EXOC6B: variants seen among roughly 807,000 people sequenced by gnomAD.
EXOC6B encodes the protein exocyst complex component 6B, also known as SEC15 homolog B.
Under a neutral mutation model 113.5 loss-of-function variants are expected in EXOC6B, and 54 were observed. The ratio of observed to expected loss-of-function variants is 0.48; its 90% CI spans 0.38 to 0.60. EXOC6B has a LOEUF of 0.60. Among genes scored for constraint, EXOC6B ranks in the 20% least tolerant of loss-of-function variants. EXOC6B has a pLI of 0.00. For missense variants in EXOC6B, 797 were observed against 977.5 expected (o/e 0.82, Z 2.46); for synonymous variants, 357 against 339.0 (o/e 1.05, Z -0.58).
chr2:72,397,530 G>A (rs1692800394), intron 18 of EXOC6B, among the ~76,000 whole-genome samples: 1 of 150,774 alleles, frequency 6.6e-6, no homozygotes. Context: ...TGAGGCAGGA[G>A]AATCGCTTGA....
intron 1 of EXOC6B, among the ~76,000 whole-genome samples, chr2:72,793,280 T>C (rs572613485): frequency 1.3e-5 from 2 of 152,326 alleles, no homozygotes; most frequent in African/African-American, 2.4e-5. Context: ...AAATGTTAAG[T>C]GTGCATATTG....
intron 6 of EXOC6B, among the ~76,000 whole-genome samples, chr2:72,658,285 GTAA>G (rs1457684525): frequency 2.0e-4 from 1 of 4,992 alleles, no homozygotes; most frequent in African/African-American, 9.1e-4. Flanking sequence ...CTAAAAACTA[GTAA>G]AAAAAAAAAA....
At chr2:72,179,600 G>T in intron 21 of EXOC6B, 139 bp from the exon 22 acceptor site, 1 of 975,410 alleles carries the variant, frequency 1.0e-6, no homozygotes, top group Non-Finnish European at 1.6e-6. Flanking sequence ...CCACTGTCAG[G>T]CCCACACTCA....
chr2:72,508,866 T>C (rs984586932), intron 11 of EXOC6B, among the ~76,000 whole-genome samples: 1 of 152,126 alleles, frequency 6.6e-6, no homozygotes, highest in Non-Finnish European at 1.5e-5. Context: ...GTTGTATTGA[T>C]TCAAGGAGCG....
At chr2:72,481,119 C>T (rs1201220825) in intron 16 of EXOC6B, among the ~76,000 whole-genome samples, 4 of 152,204 alleles carry the variant, frequency 2.6e-5, no homozygotes, top group Non-Finnish European at 5.9e-5. Context: ...CCTTCACTCA[C>T]ACTTCTCCTT....
At chr2:72,672,426 C>G (rs530264529) in intron 6 of EXOC6B, among the ~76,000 whole-genome samples, 2 of 151,236 alleles carry the variant, frequency 1.3e-5, no homozygotes, top group Non-Finnish European at 2.9e-5. Flanking sequence ...GTCAGGACAT[C>G]GAGACCATCC....
chr2:72,530,798 G>C (rs1206210992), intron 8 of EXOC6B, among the ~76,000 whole-genome samples: 1 of 152,022 alleles, frequency 6.6e-6, no homozygotes, highest in Non-Finnish European at 1.5e-5. Context: ...ACAACTTCTT[G>C]ATGGATTGAC....
chr2:72,536,164 C>A (rs1341802396), intron 8 of EXOC6B, among the ~76,000 whole-genome samples: 1 of 152,120 alleles, frequency 6.6e-6, no homozygotes, highest in Non-Finnish European at 1.5e-5. Context: ...TCATTCATGT[C>A]CCATTTCCAA....
chr2:72,335,510 C>T (rs1026698287), intron 19 of EXOC6B, among the ~76,000 whole-genome samples: 24 of 151,038 alleles, frequency 1.6e-4, no homozygotes, highest in African/African-American at 5.8e-4. Context: ...TAATTATTCC[C>T]TCACTGATTA....
At chr2:72,575,240 A>T (rs1453207430) in intron 7 of EXOC6B, among the ~76,000 whole-genome samples, 1 of 152,176 alleles carries the variant, frequency 6.6e-6, no homozygotes, top group Non-Finnish European at 1.5e-5. Flanking sequence ...CCAGTACAGA[A>T]TTTAAAAACC....
intron 20 of EXOC6B, among the ~76,000 whole-genome samples, chr2:72,201,125 A>G (rs996976308): frequency 2.0e-5 from 3 of 152,180 alleles, no homozygotes; most frequent in Non-Finnish European, 4.4e-5. Flanking sequence ...CTAGGCATAC[A>G]TATGTGACAT....
chr2:72,179,071 G>A lies in EXOC6B; in HGVS notation c.*264C>T, dbSNP rs1393985340. On this transcript the variant is annotated 3_prime_UTR_variant, in exon 22 of 22. Coordinates refer to ENST00000272427, the MANE Select transcript of EXOC6B (RefSeq NM_015189.3). The stretch of plus-strand genomic sequence containing the variant: ...AAAGGTGGTTCATCACTGTGGAATT[G>A]ATGATACCACCATCTCTAAGATAAC... The A allele has an allele frequency of 2.5e-6, 1 of 392,942 alleles. No homozygotes were observed. Among genetic ancestry groups the A allele is most frequent in the Non-Finnish European group, 4.5e-6 (1 of 222,774 alleles). 24.3% of individuals were successfully genotyped at this position (392,942 alleles called of 1,614,324 possible). A position where few individuals can be genotyped will look rare whatever the true frequency, so the allele number is the denominator to read the frequency against.
intron 19 of EXOC6B, among the ~76,000 whole-genome samples, chr2:72,350,978 A>C (rs1427797951): frequency 2.0e-5 from 3 of 152,136 alleles, no homozygotes; most frequent in Non-Finnish European, 4.4e-5. Flanking sequence ...GGGGAGAGTC[A>C]AGAACCTCAC....
chr2:72,548,761 C>T (rs1703043130), intron 8 of EXOC6B, among the ~76,000 whole-genome samples: 1 of 152,046 alleles, frequency 6.6e-6, no homozygotes, highest in Non-Finnish European at 1.5e-5. Context: ...AAAGAGCTTA[C>T]AATCTATTGA....
intron 1 of EXOC6B, among the ~76,000 whole-genome samples, chr2:72,773,903 T>C (rs1026722355): frequency 6.6e-6 from 1 of 152,224 alleles, no homozygotes. Context: ...TAATTTTATA[T>C]AAATATTCTT....
intron 18 of EXOC6B, among the ~76,000 whole-genome samples, chr2:72,389,656 C>T (rs1468858133): frequency 6.6e-6 from 1 of 151,890 alleles, no homozygotes; most frequent in Non-Finnish European, 1.5e-5. Flanking sequence ...TTATAGGATT[C>T]CTTGGTGATG....
At chr2:72,495,704 G>T (rs968770744) in intron 14 of EXOC6B, among the ~76,000 whole-genome samples, 165 bp from the exon 15 acceptor site, 1 of 151,992 alleles carries the variant, frequency 6.6e-6, no homozygotes, top group African/African-American at 2.4e-5. Flanking sequence ...ATATTAAAAA[G>T]ACATAAATTT....
rs1693199658 is a variant in EXOC6B at position 72,401,531 on chromosome 2, A to ATATATATATATGTG, written c.1981-21662_1981-21661insCACATATATATATA. Among the ~76,000 whole-genome samples the ATATATATATATGTG allele has an allele frequency of 9.9e-5, 3 of 30,358 alleles. 1 individual carries two copies. The highest frequency in any genetic ancestry group is 1.5e-4 in the Non-Finnish European group (3 of 20,188). 19.9% of individuals were successfully genotyped at this position (30,358 alleles called of 152,430 possible). ...TATATATATACATATATACATATAT[A>ATATATATATATGTG]TATATATATATATGTGTATATATAT... On this transcript the variant is annotated intron_variant, in intron 18 of 21. Coordinates refer to ENST00000272427, the MANE Select transcript of EXOC6B (RefSeq NM_015189.3).
intron 21 of EXOC6B, among the ~76,000 whole-genome samples, chr2:72,180,861 T>C (rs566729763): frequency 6.6e-6 from 1 of 152,336 alleles, no homozygotes; most frequent in South Asian, 2.1e-4. Flanking sequence ...AAAAAGGTTC[T>C]AATGAGCACC....
Sources: gnomAD v4.1 joint callset for allele counts (sites outside exome capture counted in the v4.1 genomes callset) on GRCh38, gnomAD v4.1.1 for gene constraint, MANE v1.5 for transcripts, NCBI Gene and HGNC (gene_info 2026-07-23, HGNC 2026-07-21) for gene names.